Variants in PER2 observed in about 807,000 individuals in gnomAD.
PER2 encodes period circadian protein homolog 2.
Under a neutral mutation model 121.0 loss-of-function variants are expected in PER2, and 66 were observed. The ratio of observed to expected loss-of-function variants is 0.55; its 90% confidence interval spans 0.45 to 0.67. The LOEUF (loss-of-function observed/expected upper bound fraction) is 0.67, where lower values mean the gene tolerates loss of function less well. PER2 is among the 30% of genes least tolerant of loss of function. PER2 has a pLI of 0.00. For synonymous variants in PER2, 684 were observed against 659.9 expected (o/e 1.04, Z -0.56); for missense variants, 1,521 against 1,635.0 (o/e 0.93, Z 1.20).
intron 1 of PER2, among the ~76,000 whole-genome samples, chr2:238,284,026 C>T (rs1481645278): frequency 2.6e-5 from 4 of 152,286 alleles, no homozygotes; most frequent in African/African-American, 9.6e-5. Context: ...GCCTTGTGTC[C>T]TCATTTGTGA....
In PER2 at chr2:238,280,563, A is replaced by C. The variant is rs146058411; in HGVS notation, c.-19-2608T>G. Among the ~76,000 whole-genome samples the C allele has an allele frequency of 1.9e-3, 294 of 152,358 alleles. 2 individuals carry two copies. The highest frequency in any genetic ancestry group is 6.5e-3 in the African/African-American group (272 of 41,586). On this transcript the variant is annotated intron_variant, in intron 1 of 22. Transcript: ENST00000254657. ...GAGATAAGGCCACTGACTGAGATGA[A>C]AATGCCACATTAGAATGGAAAACTA... is the stretch of plus-strand genomic sequence containing the variant.
intron 20 of PER2, among the ~76,000 whole-genome samples, chr2:238,251,247 G>A (rs917999640): frequency 6.6e-5 from 10 of 152,218 alleles, no homozygotes; most frequent in Admixed American, 2.0e-4. Flanking sequence ...AGATCCCAGC[G>A]GGTAGAGGCT....
chr2:238,255,538 G>A, intron 18 of PER2, 119 bp downstream of exon 18: 1 of 1,054,594 alleles, frequency 9.5e-7, no homozygotes, highest in Non-Finnish European at 1.5e-6. Context: ...TCCAACAGCT[G>A]TCTTATATGT....
Position 238,275,809 on chromosome 2 carries a change from C to T in PER2, c.382G>A (p.Ala128Thr), listed in dbSNP as rs1696435623. 1 of 1,614,210 alleles carries T rather than the reference C, an allele frequency of 6.2e-7. No homozygotes were observed. Among genetic ancestry groups the T allele is most frequent in the Non-Finnish European group, 8.5e-7 (1 of 1,179,986 alleles). The change falls in exon 4 of 23, where the codon GCC (alanine) becomes ACC (threonine). Residue 128 changes from alanine to threonine, a missense_variant. By Grantham distance (58) the Ala-to-Thr change is moderately conservative. Coordinates refer to ENST00000254657, the MANE Select transcript of PER2 (RefSeq NM_022817.3). ...GCCAGCGTACTGGCCTTGCCCTTGG[C>T]CTTCTTGTCTGCAGGGAGGTGGACC... The part of the protein sequence containing the change: ...LKVHLPADKK[A>T]KGKASTLATL...
intron 1 of PER2, among the ~76,000 whole-genome samples, chr2:238,285,912 G>T (rs1302948541): frequency 6.6e-6 from 1 of 151,612 alleles, no homozygotes; most frequent in Non-Finnish European, 1.5e-5. Context: ...ACTCCCTGAG[G>T]CCAGCCTGCT....
chr2:238,251,821 A>T, intron 19 of PER2, 60 bp from the exon 20 acceptor site: 2 of 148,316 alleles, frequency 1.3e-5, no homozygotes, highest in Non-Finnish European at 3.0e-5. Flanking sequence ...CAGCATATGC[A>T]GCGGGGTGGG....
Position 238,246,275 on chromosome 2 carries a change from T to C in PER2, c.*100A>G. On this transcript the variant is annotated 3_prime_UTR_variant, in exon 23 of 23. Coordinates refer to ENST00000254657, the MANE Select transcript of PER2 (RefSeq NM_022817.3). ...TAAAACAAAAAAAGCAACATGAGCA[T>C]ATGTGTCCATTTCAGTGGAAACAGC... 4 of 843,660 alleles carry C rather than the reference T, an allele frequency of 4.7e-6. No homozygotes were observed. The highest frequency in any genetic ancestry group is 7.2e-6 in the Non-Finnish European group (4 of 556,252). The allele number at this position is 843,660 out of a possible 1,614,324, so 52.3% of individuals were successfully genotyped here. A position where few individuals can be genotyped will look rare whatever the true frequency, so the allele number is the denominator to read the frequency against.
In PER2 at chr2:238,268,270, A is replaced by C. The variant is rs1414307031; in HGVS notation, c.825-72T>G. 24 of 1,502,120 alleles carry C rather than the reference A, an allele frequency of 1.6e-5. No homozygotes were observed. Among genetic ancestry groups the C allele is most frequent in the Non-Finnish European group, 2.1e-5 (23 of 1,091,174 alleles). The allele number at this position is 1,502,120 out of a possible 1,614,324, so 93.0% of individuals were successfully genotyped here. A position where few individuals can be genotyped will look rare whatever the true frequency, so the allele number is the denominator to read the frequency against. ...CAGTCCCCTGTTCTGTTCCCTCCTC[A>C]CCTGGGCCCCATGCCATGCTGCAGG... On this transcript the variant is annotated intron_variant, in intron 7 of 22. Transcript: ENST00000254657. The surrounding 1 kb of genome is among the most constrained non-coding windows in gnomAD (Gnocchi z 4.0).
chr2:238,278,010 T>C (rs1344919651), intron 1 of PER2, 55 bp from the exon 2 acceptor site: 1 of 1,571,014 alleles, frequency 6.4e-7, no homozygotes, highest in African/African-American at 1.4e-5. Flanking sequence ...CAAGGGGCGC[T>C]GCAGCCATCA....
In PER2 at chr2:238,250,321, G is replaced by A. The variant is rs149871718; in HGVS notation, c.3467+230C>T. 1.4e-3 allele frequency among the ~76,000 whole-genome samples: 219 copies of A among 152,390 alleles called. 1 individual carries two copies. Among genetic ancestry groups the A allele is most frequent in the South Asian group, 6.0e-3 (29 of 4,830 alleles). On this transcript the variant is annotated intron_variant, in intron 21 of 22. Transcript: ENST00000254657. ...CTGTCTTCCTCGAAGGCTGTAGGGT[G>A]TGAATCCACATGGCCCCGGCTTATC... is the stretch of plus-strand genomic sequence containing the variant.
At chr2:238,248,274 C>T (rs1309577716) in intron 22 of PER2, among the ~76,000 whole-genome samples, 1 of 152,196 alleles carries the variant, frequency 6.6e-6, no homozygotes, top group Non-Finnish European at 1.5e-5. Context: ...ACACTGTGTT[C>T]GGCTGCTGGA....
chr2:238,253,478 G>C lies in PER2; in HGVS notation c.2545C>G (p.Pro849Ala). The change falls in exon 19 of 23, where the codon CCA becomes GCA. Residue 849 changes from proline (P) to alanine (A), a missense_variant. Pro to Ala is a conservative substitution (Grantham distance 27, BLOSUM62 -1). Transcript: ENST00000254657. The surrounding 1 kb of genome is among the most constrained non-coding windows in gnomAD (Gnocchi z 5.6). ...SSCPAVPFPA[P>A]VPAAYSLPVF... ...GGCAGTGAATAAGCTGCTGGCACTG[G>C]GGCGGGAAAGGGCACGGCTGGGCAG... is the stretch of plus-strand genomic sequence containing the variant. The C allele has an allele frequency of 6.2e-7, 1 of 1,612,912 alleles. No homozygotes were observed. Among genetic ancestry groups the C allele is most frequent in the Non-Finnish European group, 8.5e-7 (1 of 1,179,576 alleles).
Position 238,275,829 on chromosome 2 carries a change from T to G in PER2, c.362A>C (p.His121Pro), listed in dbSNP as rs750443151. Reference protein sequence around the residue: ...LIKTLKELKVHLPADKKAKGK... With the variant: ...LIKTLKELKVPLPADKKAKGK... ...CTTGGCCTTCTTGTCTGCAGGGAGG[T>G]GGACCTTCAGCTCCTTTAGTGTTTT... Residue 121 changes from histidine (H) to proline (P), a missense_variant, in exon 4 of 23, where the codon CAC (histidine) becomes CCC (proline). Coordinates refer to ENST00000254657, the MANE Select transcript of PER2 (RefSeq NM_022817.3). 8.7e-6 allele frequency: 14 copies of G among 1,614,154 alleles called. No homozygotes were observed. The South Asian group carries it at 1.5e-4, about 18-fold the overall frequency.
At position 238,252,478 on chromosome 2, in the gene PER2, G is replaced by A. The variant is rs116802141; in HGVS notation, c.3111+434C>T. ...TACGCCTGCGGAGGATGGAAACTGAGGTCACGCTGGTTTTAGGGCTGTGTC... is the reference window on the plus strand; with the variant it reads ...TACGCCTGCGGAGGATGGAAACTGAAGTCACGCTGGTTTTAGGGCTGTGTC... On this transcript the variant is annotated intron_variant, in intron 19 of 22. Transcript: ENST00000254657. The surrounding 1 kb of genome is among the most constrained non-coding windows in gnomAD (Gnocchi z 4.2). Among the ~76,000 whole-genome samples, 696 of 152,330 alleles carry A rather than the reference G, an allele frequency of 4.6e-3. 4 individuals carry two copies. The highest frequency in any genetic ancestry group is 0.016 in the African/African-American group (652 of 41,564).
chr2:238,273,683 T>C (rs1350832038), intron 4 of PER2, among the ~76,000 whole-genome samples: 1 of 152,076 alleles, frequency 6.6e-6, no homozygotes, highest in Non-Finnish European at 1.5e-5. Flanking sequence ...TTGTTTTGTT[T>C]AGAGATGGAG....
At chr2:238,285,197 A>G (rs56199505) in intron 1 of PER2, among the ~76,000 whole-genome samples, 16,674 of 152,302 alleles carry the variant, frequency 0.11, 1,212 homozygotes, top group Admixed American at 0.17. Flanking sequence ...GTCAGACTCA[A>G]AGAAAGAGGT....
At chr2:238,266,384 A>C (rs1446764183) in intron 8 of PER2, among the ~76,000 whole-genome samples, 1 of 151,756 alleles carries the variant, frequency 6.6e-6, no homozygotes, top group African/African-American at 2.4e-5. Context: ...AGCCTCCCAA[A>C]GTGCCAGACC....
the PER2 span, among the ~76,000 whole-genome samples, chr2:238,297,166 C>T: frequency 1.3e-5 from 2 of 152,208 alleles, no homozygotes; most frequent in Non-Finnish European, 2.9e-5. Flanking sequence ...CCACCCCGCA[C>T]ATCCACCCCC....
Position 238,268,997 on chromosome 2 carries a change from A to T in PER2, c.773-23T>A, listed in dbSNP as rs1176465857. 3.8e-6 allele frequency: 6 copies of T among 1,575,876 alleles called. No homozygotes were observed. Among genetic ancestry groups the T allele is most frequent in the Non-Finnish European group, 5.2e-6 (6 of 1,145,090 alleles). The stretch of plus-strand genomic sequence containing the variant: ...AATCTAAAAGAGAGAGCCCAAAGTC[A>T]TTCATCCAAACCAACAACTAAATAC... On this transcript the variant is annotated intron_variant, in intron 6 of 22. Coordinates refer to ENST00000254657, the MANE Select transcript of PER2 (RefSeq NM_022817.3). This position sits in a 1 kb window ranked among gnomAD's most constrained non-coding sequence, Gnocchi z 4.0.
Sources: allele counts gnomAD v4.1 joint callset (sites outside exome capture counted in the v4.1 genomes callset), GRCh38; gene constraint gnomAD v4.1.1; non-coding constraint Gnocchi (gnomAD v3.1); transcripts MANE v1.5; gene names NCBI Gene and HGNC (gene_info 2026-07-23, HGNC 2026-07-21).